PDE4D: variants seen among roughly 807,000 people sequenced by gnomAD.
The protein encoded by PDE4D is phosphodiesterase 4D, also known as 3',5'-cyclic-AMP phosphodiesterase 4D.
In PDE4D, 24 loss-of-function variants were observed where a neutral mutation model predicts 87.4. That is an observed-to-expected ratio of 0.27 (90% CI 0.20 to 0.39). The LOEUF is 0.39. PDE4D is among the 10% of genes least tolerant of loss of function. The probability of loss-of-function intolerance (pLI) is 1.00; values close to 1 mark genes in which losing one functional copy is unlikely to be tolerated. For missense variants in PDE4D, 714 were observed against 1,041.0 expected (o/e 0.69, Z 4.32); for synonymous variants, 384 against 383.2 (o/e 1.00, Z -0.02).
chr5:58,976,567 A>G (rs1743850449), intron 12 of PDE4D, 95 bp from the exon 13 acceptor site: 1 of 956,342 alleles, frequency 1.0e-6, no homozygotes, highest in Non-Finnish European at 1.6e-6. Context: ...GAATAAAACA[A>G]CACTATGCCT....
intron 2 of PDE4D, 123 bp downstream of exon 2, chr5:59,215,654 C>A: frequency 1.3e-6 from 1 of 771,128 alleles, no homozygotes; most frequent in Non-Finnish European, 2.1e-6. Context: ...TAATTTTATT[C>A]ATATTCTTTC....
chr5:59,275,397 G>T (rs777693745), intron 1 of PDE4D: 2 of 1,595,648 alleles, frequency 1.3e-6, no homozygotes, highest in Admixed American at 3.3e-5. Flanking sequence ...TCATAATAAT[G>T]CTCATTTTGA....
chr5:60,018,600 A>T (rs1333125415), intron 2 of PDE4D, among the ~76,000 whole-genome samples: 1 of 152,204 alleles, frequency 6.6e-6, no homozygotes, highest in Non-Finnish European at 1.5e-5. Flanking sequence ...GACTCATCTC[A>T]TGTGCAAAGA....
At chr5:59,842,092 T>C (rs1258008721) in intron 1 of PDE4D, among the ~76,000 whole-genome samples, 1 of 151,924 alleles carries the variant, frequency 6.6e-6, no homozygotes, top group South Asian at 2.1e-4. Context: ...CATTTCAGAG[T>C]GATCACCCTG....
At chr5:60,248,955 C>T (rs775981704) in intron 1 of PDE4D, among the ~76,000 whole-genome samples, 2 of 151,986 alleles carry the variant, frequency 1.3e-5, no homozygotes. Flanking sequence ...GCAAAGAGCA[C>T]CATCAAAAAT....
chr5:59,633,279 G>A (rs1831805955), intron 1 of PDE4D, among the ~76,000 whole-genome samples: 1 of 152,234 alleles, frequency 6.6e-6, no homozygotes, highest in East Asian at 1.9e-4. Context: ...ACCTGAAAGA[G>A]ATGGGAAGAA....
chr5:59,262,339 G>A (rs1167760572), intron 1 of PDE4D, among the ~76,000 whole-genome samples: 1 of 151,902 alleles, frequency 6.6e-6, no homozygotes, highest in Non-Finnish European at 1.5e-5. Flanking sequence ...TATATTTTAA[G>A]CTATAGAACT....
chr5:60,266,639 G>A (rs1750243295), intron 1 of PDE4D, among the ~76,000 whole-genome samples: 1 of 152,138 alleles, frequency 6.6e-6, no homozygotes, highest in African/African-American at 2.4e-5. Flanking sequence ...ACCCAAACAT[G>A]GGTGTGCATA....
intron 1 of PDE4D, among the ~76,000 whole-genome samples, chr5:59,346,637 G>A (rs1425115126): frequency 6.6e-6 from 1 of 152,072 alleles, no homozygotes; most frequent in Non-Finnish European, 1.5e-5. Context: ...TTCCTTGTAT[G>A]AGTATCTCAT....
chr5:59,382,330 T>C (rs770472239), intron 1 of PDE4D, among the ~76,000 whole-genome samples: 24 of 152,150 alleles, frequency 1.6e-4, no homozygotes, highest in Non-Finnish European at 1.8e-4. Flanking sequence ...AGGTGCTCAA[T>C]GTTAAAAGCA....
At chr5:60,422,509 C>T (rs1257898152) in intron 1 of PDE4D, among the ~76,000 whole-genome samples, 1 of 152,158 alleles carries the variant, frequency 6.6e-6, no homozygotes, top group Admixed American at 6.5e-5. Flanking sequence ...GATTTTGTCA[C>T]CACAAGGCCT....
intron 2 of PDE4D, among the ~76,000 whole-genome samples, chr5:60,074,864 T>C (rs369337472): frequency 2.0e-5 from 3 of 152,208 alleles, no homozygotes; most frequent in East Asian, 3.8e-4. Flanking sequence ...GGTAGATTTT[T>C]CTGCATCTCT....
rs34236719 is a variant in PDE4D at position 60,143,603 on chromosome 5, TTGTGTGTG to T, written c.42+41946_42+41953del. On this transcript the variant is annotated intron_variant, in intron 2 of 16. Transcript: ENST00000502484. ...AAATGACCTAGGAGCAGCTTGGGAA[TTGTGTGTG>T]TGTGTGTGTGTGTGTGTGTGTGTGT... Among the ~76,000 whole-genome samples, 528 of 117,738 alleles carry T rather than the reference TTGTGTGTG, an allele frequency of 4.5e-3. 2 individuals carry two copies. The highest frequency in any genetic ancestry group is 0.017 in the South Asian group (54 of 3,230). 77.2% of individuals were successfully genotyped at this position (117,738 alleles called of 152,430 possible). A position where few individuals can be genotyped will look rare whatever the true frequency, so the allele number is the denominator to read the frequency against.
rs777024472 is a variant in PDE4D at position 59,002,050 on chromosome 5, G to T, written c.922-8585C>A. The T allele has an allele frequency of 4.0e-4, 206 of 516,552 alleles. 6 individuals are homozygous for T. Among genetic ancestry groups the T allele is most frequent in the South Asian group, 2.9e-3 (205 of 71,184 alleles). The allele number at this position is 516,552 out of a possible 1,614,324, so 32.0% of individuals were successfully genotyped here. On this transcript the variant is annotated intron_variant, in intron 6 of 14. Coordinates refer to ENST00000340635, the MANE Select transcript of PDE4D (RefSeq NM_001104631.2). The stretch of plus-strand genomic sequence containing the variant: ...CTTTTATCCAGAGCTGTTTCTTTCA[G>T]TTTATTCCTTACCATTACCCCTCCC...
chr5:59,544,989 A>G (rs1176422971), intron 1 of PDE4D, among the ~76,000 whole-genome samples: 2 of 152,212 alleles, frequency 1.3e-5, no homozygotes, highest in African/African-American at 4.8e-5. Flanking sequence ...TACTCAGAGT[A>G]CTGATTTTAT....
intron 1 of PDE4D, chr5:59,558,755 T>C (rs1819421112): frequency 6.6e-6 from 1 of 152,142 alleles, no homozygotes; most frequent in Admixed American, 6.6e-5. Context: ...TCAAAGAAGC[T>C]CTTATCTCTT....
At chr5:59,418,183 A>T (rs1793926328) in intron 1 of PDE4D, among the ~76,000 whole-genome samples, 1 of 152,172 alleles carries the variant, frequency 6.6e-6, no homozygotes, top group Admixed American at 6.5e-5. Flanking sequence ...AGCTATGATC[A>T]TAGGACTCCC....
intron 1 of PDE4D, among the ~76,000 whole-genome samples, chr5:60,395,382 A>G (rs1762821405): frequency 6.6e-6 from 1 of 152,122 alleles, no homozygotes; most frequent in African/African-American, 2.4e-5. Context: ...AATTATATCT[A>G]TTTATTTTGA....
Position 60,042,827 on chromosome 5 carries a change from C to T in PDE4D, c.43-54110G>A, listed in dbSNP as rs190521319. On this transcript the variant is annotated intron_variant, in intron 2 of 16. Transcript: ENST00000502484. Reference sequence around the variant, plus strand: ...ATCAAAGACCAAAGGTAGATAAATCCATGAAGATGGGGAGGAACCAGTGCA... The same window carrying T: ...ATCAAAGACCAAAGGTAGATAAATCTATGAAGATGGGGAGGAACCAGTGCA... 2.6e-3 allele frequency among the ~76,000 whole-genome samples: 398 copies of T among 152,234 alleles called. 2 individuals are homozygous for T. The highest frequency in any genetic ancestry group is 9.2e-3 in the African/African-American group (383 of 41,556).
Sources: allele counts gnomAD v4.1 joint callset (sites outside exome capture counted in the v4.1 genomes callset), GRCh38; gene constraint gnomAD v4.1.1; transcripts MANE v1.5; gene names NCBI Gene and HGNC (gene_info 2026-07-23, HGNC 2026-07-21).